Variants in IL34 observed in about 807,000 individuals in gnomAD.
IL34 encodes the protein interleukin-34.
In IL34, 17 loss-of-function variants were observed where a neutral mutation model predicts 25.3. The ratio of observed to expected loss-of-function variants is 0.67; its 90% confidence interval spans 0.46 to 1.01. The LOEUF is 1.01. IL34 is among the 50% of genes least tolerant of loss of function. The probability of loss-of-function intolerance (pLI) is 0.00; values close to 1 mark genes in which losing one functional copy is unlikely to be tolerated. For missense variants in IL34, 368 were observed against 312.9 expected (o/e 1.18, Z -1.33); for synonymous variants, 174 against 140.9 (o/e 1.23, Z -1.66).
intron 1 of IL34, among the ~76,000 whole-genome samples, chr16:70,591,750 G>A (rs183605847): frequency 7.2e-5 from 11 of 152,206 alleles, no homozygotes; most frequent in African/African-American, 2.2e-4. Context: ...AGCTGGTGAC[G>A]TGCAGCTGAT....
chr16:70,632,934 C>T (rs930585162), intron 1 of IL34, among the ~76,000 whole-genome samples: 2 of 152,078 alleles, frequency 1.3e-5, no homozygotes, highest in Non-Finnish European at 2.9e-5. Context: ...GTATAACTTA[C>T]TTAAAATAAA....
chr16:70,655,284 C>T (rs9745650), intron 2 of IL34, among the ~76,000 whole-genome samples: 3,697 of 152,012 alleles, frequency 0.024, 177 homozygotes, highest in African/African-American at 0.086. Flanking sequence ...ATCTCTTGAC[C>T]TCGTGATCCG....
At chr16:70,636,910 C>T (rs540123123) in intron 1 of IL34, among the ~76,000 whole-genome samples, 12 of 151,576 alleles carry the variant, frequency 7.9e-5, no homozygotes, top group Non-Finnish European at 1.6e-4. Flanking sequence ...GACGGGGTTT[C>T]GTTCTGTCGC....
intron 1 of IL34, among the ~76,000 whole-genome samples, chr16:70,600,982 GAGA>G (rs1166096387): frequency 6.6e-6 from 1 of 151,048 alleles, no homozygotes; most frequent in East Asian, 1.9e-4. Context: ...GGGATGCTGG[GAGA>G]AGTAGGGGAT....
chr16:70,613,028 C>G (rs2051113867), intron 1 of IL34, among the ~76,000 whole-genome samples: 1 of 152,192 alleles, frequency 6.6e-6, no homozygotes, highest in African/African-American at 2.4e-5. Context: ...CTGCCTTGGC[C>G]TCCCAAAGTG....
At chr16:70,599,293 C>CTTTTCTT (rs113794220) in intron 1 of IL34, among the ~76,000 whole-genome samples, 1 of 132,702 alleles carries the variant, frequency 7.5e-6, no homozygotes, top group East Asian at 2.2e-4. Flanking sequence ...TTCTTTCTTT[C>CTTTTCTT]TTCTTTCTTT....
At chr16:70,656,798 C>T (rs2052235648) in intron 3 of IL34, 119 bp downstream of exon 3, 3 of 1,006,746 alleles carry the variant, frequency 3.0e-6, no homozygotes, top group Admixed American at 1.7e-5. Context: ...TCTCCTCAGC[C>T]CCGAGAGCAG....
chr16:70,638,274 C>A (rs1179970223), intron 1 of IL34, among the ~76,000 whole-genome samples: 1 of 151,990 alleles, frequency 6.6e-6, no homozygotes, highest in East Asian at 1.9e-4. Context: ...CCTGGGAGTT[C>A]AAGACCAGCC....
chr16:70,649,377 C>A (rs1178080114), intron 1 of IL34, among the ~76,000 whole-genome samples: 1 of 152,136 alleles, frequency 6.6e-6, no homozygotes, highest in Non-Finnish European at 1.5e-5. Context: ...GACATTGGGT[C>A]ATTGCTATGG....
intron 1 of IL34, among the ~76,000 whole-genome samples, chr16:70,635,419 A>G (rs938822091): frequency 1.3e-5 from 2 of 152,184 alleles, no homozygotes; most frequent in Non-Finnish European, 2.9e-5. Context: ...AGGAAGCACA[A>G]AGGCCTGTTG....
chr16:70,625,167 G>T (rs900412787), intron 1 of IL34, among the ~76,000 whole-genome samples: 8 of 152,072 alleles, frequency 5.3e-5, no homozygotes, highest in African/African-American at 1.7e-4. Flanking sequence ...TTTAGGTCAG[G>T]TGTGAGTTGA....
chr16:70,647,164 G>A (rs1170968376), intron 1 of IL34, among the ~76,000 whole-genome samples, 189 bp downstream of exon 1: 5 of 152,376 alleles, frequency 3.3e-5, no homozygotes, highest in Admixed American at 6.5e-5. Context: ...TTCGGGCTCC[G>A]ACGGGCAAGC....
At chr16:70,609,309 C>A (rs929718083) in intron 1 of IL34, among the ~76,000 whole-genome samples, 4 of 152,000 alleles carry the variant, frequency 2.6e-5, no homozygotes, top group African/African-American at 9.7e-5. Flanking sequence ...GAACTCCTGA[C>A]CTCAGGTGAT....
intron 1 of IL34, among the ~76,000 whole-genome samples, chr16:70,611,334 C>G (rs965761891): frequency 1.6e-4 from 24 of 152,220 alleles, no homozygotes; most frequent in African/African-American, 5.5e-4. Context: ...GGGGGAGGGG[C>G]TGCCAGGTAC....
rs571413612 is a variant in IL34, at chr16:70,598,001, T to C, written c.-401+17952T>C. Among the ~76,000 whole-genome samples, 3 of 152,290 alleles carry C rather than the reference T, an allele frequency of 2.0e-5. No individual in the cohort carries two copies. The East Asian group carries it at 5.8e-4, about 29-fold the overall frequency. ...CTGGGACTACAGGTGCCCGCCACCA[T>C]GTCTAGCTAATTTTTTATATTTTTA... On this transcript the variant is annotated intron_variant, in intron 1 of 6. Coordinates refer to the IL34 transcript ENST00000429149.
At chr16:70,618,851 G>A (rs2051217243) in intron 1 of IL34, among the ~76,000 whole-genome samples, 2 of 152,166 alleles carry the variant, frequency 1.3e-5, no homozygotes, top group Non-Finnish European at 2.9e-5. Flanking sequence ...CAGCAGTACA[G>A]CCTAGGTAAT....
Position 70,646,841 on chromosome 16 carries a change from G to C in IL34, c.-107G>C, listed in dbSNP as rs3813904. ...CTCCAGGGCCAGCCCTTCCCTGACT[G>C]AGTGACCACCTCTGCTGCCCCGAGG... On this transcript the variant is annotated 5_prime_UTR_variant, in exon 1 of 6. Transcript: ENST00000288098. The C allele has an allele frequency of 0.47, 524,111 of 1,115,728 alleles. 130,249 individuals carry two copies. Among genetic ancestry groups the C allele is most frequent in the African/African-American group, 0.86 (51,752 of 60,278 alleles). The allele number at this position is 1,115,728 out of a possible 1,614,324, so 69.1% of individuals were successfully genotyped here.
chr16:70,587,154 T>C (rs2050704354), intron 1 of IL34, among the ~76,000 whole-genome samples: 1 of 152,074 alleles, frequency 6.6e-6, no homozygotes, highest in South Asian at 2.1e-4. Context: ...AGCCAGGCCC[T>C]GGGTGGAGAT....
At chr16:70,618,767 A>T (rs564577269) in intron 1 of IL34, among the ~76,000 whole-genome samples, 1 of 152,310 alleles carries the variant, frequency 6.6e-6, no homozygotes, top group Admixed American at 6.5e-5. Context: ...TATGAGAATT[A>T]TGCAGAGATA....
Sources: gnomAD v4.1 joint callset for allele counts (sites outside exome capture counted in the v4.1 genomes callset) on GRCh38, gnomAD v4.1.1 for gene constraint, MANE v1.5 for transcripts, NCBI Gene and HGNC (gene_info 2026-07-23, HGNC 2026-07-21) for gene names.